The following TMEM45B variants were observed in gnomAD, a reference collection of about 807,000 sequenced individuals.
The protein encoded by TMEM45B is transmembrane protein 45B.
TMEM45B carries 29 observed loss-of-function variants against 27.3 expected under a neutral mutation model. The observed-to-expected ratio is 1.06, with a 90% CI of 0.79 to 1.45. The LOEUF (loss-of-function observed/expected upper bound fraction) is 1.45, where lower values mean the gene tolerates loss of function less well. Among genes scored for constraint, TMEM45B ranks in the 40% most tolerant of loss-of-function variants. The pLI, the probability that TMEM45B is intolerant of heterozygous loss-of-function variation, is 0.00. For missense variants in TMEM45B, 348 were observed against 343.9 expected (o/e 1.01, Z -0.09); for synonymous variants, 143 against 134.7 (o/e 1.06, Z -0.43).
At chr11:129,816,541 C>A (rs1374865565) in intron 1 of TMEM45B, among the ~76,000 whole-genome samples, 2 of 152,000 alleles carry the variant, frequency 1.3e-5, no homozygotes, top group African/African-American at 4.8e-5. Context: ...GGATGTCAGG[C>A]GCAGTGGGGG....
chr11:129,854,965 T>C, intron 3 of TMEM45B, 149 bp downstream of exon 3: 1 of 883,892 alleles, frequency 1.1e-6, no homozygotes, highest in Non-Finnish European at 1.7e-6. Flanking sequence ...GAATAGGACC[T>C]AGTGCTCTAC....
chr11:129,859,770 GATCATGCCAC>G lies in TMEM45B; in HGVS notation c.*1086_*1095del, dbSNP rs1293252293. On this transcript the variant is annotated 3_prime_UTR_variant, in exon 6 of 6. Coordinates refer to ENST00000281441, the MANE Select transcript of TMEM45B (RefSeq NM_138788.5). ...GGTAGGGGAGCTTGCAGTGAGCCCA[GATCATGCCAC>G]TGTACTCCAGCCTAGGTGACAGAGC... 2.6e-5 allele frequency: 4 copies of G among 152,180 alleles called. No homozygotes were observed. Among genetic ancestry groups the G allele is most frequent in the Non-Finnish European group, 4.4e-5 (3 of 68,048 alleles). The allele number at this position is 152,180 out of a possible 1,614,324, so 9.4% of individuals were successfully genotyped here. A position where few individuals can be genotyped will look rare whatever the true frequency, so the allele number is the denominator to read the frequency against.
chr11:129,850,328 C>A (rs1292353981), intron 1 of TMEM45B: 1 of 152,176 alleles, frequency 6.6e-6, no homozygotes, highest in Admixed American at 6.5e-5. Flanking sequence ...CCGCGCCCGG[C>A]TAATTTTTTT....
At chr11:129,850,926 C>T (rs1947838243) in intron 1 of TMEM45B, among the ~76,000 whole-genome samples, 1 of 152,212 alleles carries the variant, frequency 6.6e-6, no homozygotes, top group African/African-American at 2.4e-5. Context: ...GCCACCCCCA[C>T]ATTTTTACAT....
At chr11:129,820,075 A>G (rs1947400332) in intron 1 of TMEM45B, among the ~76,000 whole-genome samples, 1 of 151,862 alleles carries the variant, frequency 6.6e-6, no homozygotes, top group South Asian at 2.1e-4. Flanking sequence ...GCATTTTGGG[A>G]GGTCAAGGCG....
chr11:129,837,857 C>G (rs1947643799), intron 1 of TMEM45B, among the ~76,000 whole-genome samples: 1 of 138,832 alleles, frequency 7.2e-6, no homozygotes, highest in Admixed American at 7.9e-5. Context: ...TCTCAGCTCA[C>G]TGTAACCTCT....
chr11:129,815,927 GA>G (rs35138572), intron 1 of TMEM45B, 29 bp downstream of exon 1: 145,339 of 1,272,170 alleles, frequency 0.11, 8,718 homozygotes, highest in Admixed American at 0.12. Flanking sequence ...CAGGGGGCTC[GA>G]ACCTGGAGGA....
intron 1 of TMEM45B, 102 bp from the exon 2 acceptor site, chr11:129,852,373 C>A: frequency 9.7e-7 from 1 of 1,026,656 alleles, no homozygotes; most frequent in Non-Finnish European, 1.4e-6. Context: ...CTTAACGTGG[C>A]TTATGATTTG....
intron 1 of TMEM45B, among the ~76,000 whole-genome samples, chr11:129,824,546 T>G (rs1947456805): frequency 6.6e-6 from 1 of 152,188 alleles, no homozygotes; most frequent in South Asian, 2.1e-4. Flanking sequence ...ATGAAAATAG[T>G]AACGGTACCA....
At chr11:129,835,174 A>T (rs979155490) in intron 1 of TMEM45B, among the ~76,000 whole-genome samples, 1 of 152,240 alleles carries the variant, frequency 6.6e-6, no homozygotes, top group African/African-American at 2.4e-5. Flanking sequence ...TTAGAAAAAA[A>T]GGAACCAAAA....
chr11:129,820,229 C>T (rs941823165), intron 1 of TMEM45B, among the ~76,000 whole-genome samples: 2 of 152,002 alleles, frequency 1.3e-5, no homozygotes, highest in Non-Finnish European at 2.9e-5. Context: ...GCAGGAGAAT[C>T]GCTTGAACCC....
chr11:129,857,494 A>C, intron 5 of TMEM45B, 36 bp downstream of exon 5: 1 of 1,611,746 alleles, frequency 6.2e-7, no homozygotes, highest in Non-Finnish European at 8.5e-7. Flanking sequence ...TTTCCTCCTA[A>C]CTCTAAGCAG....
In TMEM45B at chr11:129,857,423, C is replaced by T; in HGVS notation, c.681C>T (p.Leu227=). 2 of 1,614,202 alleles carry T rather than the reference C, an allele frequency of 1.2e-6. No homozygotes were observed. The highest frequency in any genetic ancestry group is 1.3e-5 in the African/African-American group (1 of 75,050). ...MCFCWHYLAA[L]SIVAVNYSLV... is the part of the protein sequence containing the mutation. ...TCTGCTGGCACTACCTGGCTGCCCT[C>T]AGCATTGTGGCCGTCAACTATTCTC... The change falls in exon 5 of 6, where the codon CTC becomes CTT. Residue 227 remains leucine (L), a synonymous_variant. Transcript: ENST00000281441.
chr11:129,855,978 T>C, intron 4 of TMEM45B, 86 bp downstream of exon 4: 6 of 1,501,338 alleles, frequency 4.0e-6, no homozygotes, highest in Non-Finnish European at 9.1e-7. Context: ...GACGAGAATA[T>C]GGGGTCTGAA....
chr11:129,845,992 A>C (rs982772355), intron 1 of TMEM45B, among the ~76,000 whole-genome samples: 1 of 152,208 alleles, frequency 6.6e-6, no homozygotes, highest in African/African-American at 2.4e-5. Context: ...TTTAAAGAGA[A>C]TATTCTCAAA....
At chr11:129,856,757 C>G (rs1269985029) in intron 4 of TMEM45B, among the ~76,000 whole-genome samples, 2 of 151,544 alleles carry the variant, frequency 1.3e-5, no homozygotes, top group African/African-American at 4.8e-5. Flanking sequence ...GATGGGGTTT[C>G]ACCGTGTTAG....
In TMEM45B at chr11:129,847,823, T is replaced by C. The variant is rs550114453; in HGVS notation, c.-8-4652T>C. Among the ~76,000 whole-genome samples, 108 of 152,190 alleles carry C rather than the reference T, an allele frequency of 7.1e-4. 1 individual carries two copies. The highest frequency in any genetic ancestry group is 3.4e-3 in the Middle Eastern group (1 of 292). On this transcript the variant is annotated intron_variant, in intron 1 of 5. Transcript: ENST00000281441. Reference sequence around the variant, plus strand: ...ACAGCAACCATCCGATTTCTCAATCTTTTCCCCACCTTTCCCCCTTTTCTA... The same window carrying C: ...ACAGCAACCATCCGATTTCTCAATCCTTTCCCCACCTTTCCCCCTTTTCTA...
At chr11:129,853,039 T>C (rs1334807545) in intron 2 of TMEM45B, 4 of 161,554 alleles carry the variant, frequency 2.5e-5, no homozygotes, top group Admixed American at 6.2e-5. Context: ...TCCTCAATTG[T>C]CTCTCCCTCC....
At chr11:129,856,857 C>CTTTTT (rs34320792) in intron 4 of TMEM45B, among the ~76,000 whole-genome samples, 1 of 129,738 alleles carries the variant, frequency 7.7e-6, no homozygotes, top group Non-Finnish European at 1.6e-5. Context: ...CCGCGCCCGG[C>CTTTTT]TTTTTTTTTT....
Sources: gnomAD v4.1 joint callset for allele counts (sites outside exome capture counted in the v4.1 genomes callset) on GRCh38, gnomAD v4.1.1 for gene constraint, MANE v1.5 for transcripts, NCBI Gene and HGNC (gene_info 2026-07-23, HGNC 2026-07-21) for gene names.